The following ELOVL5 variants were observed in gnomAD, a reference collection of about 807,000 sequenced individuals.
ELOVL5 encodes the protein ELOVL fatty acid elongase 5.
ELOVL5 carries 8 observed loss-of-function variants against 38.6 expected under a neutral mutation model. The ratio of observed to expected loss-of-function variants is 0.21; its 90% confidence interval spans 0.12 to 0.37. The LOEUF is 0.37. ELOVL5 is among the 10% of genes least tolerant of loss of function. ELOVL5 has a pLI of 1.00. For missense variants in ELOVL5, 280 were observed against 367.8 expected, an observed-to-expected ratio of 0.76 and a Z score of 1.95; for synonymous variants, 127 against 133.7, an observed-to-expected ratio of 0.95 and a Z score of 0.34.
At chr6:53,325,343 A>C (rs1768495558) in intron 1 of ELOVL5, among the ~76,000 whole-genome samples, 1 of 150,810 alleles carries the variant, frequency 6.6e-6, no homozygotes, top group South Asian at 2.1e-4. Context: ...GTCATAAGCC[A>C]AATATCTGAT....
intron 6 of ELOVL5, among the ~76,000 whole-genome samples, chr6:53,271,104 C>A (rs1765901973): frequency 6.6e-6 from 1 of 152,202 alleles, no homozygotes; most frequent in African/African-American, 2.4e-5. Flanking sequence ...CCTTCCAACT[C>A]CTTATCCATG....
At chr6:53,321,484 C>T (rs958396172) in intron 1 of ELOVL5, among the ~76,000 whole-genome samples, 3 of 152,206 alleles carry the variant, frequency 2.0e-5, no homozygotes, top group African/African-American at 7.2e-5. Flanking sequence ...CATCTTTACA[C>T]ATAAAACTTT....
intron 1 of ELOVL5, among the ~76,000 whole-genome samples, chr6:53,303,142 T>G (rs1428125634): frequency 1.3e-5 from 2 of 152,322 alleles, no homozygotes. Flanking sequence ...TTCTAGAATT[T>G]AAAAAGATTT....
chr6:53,317,072 C>T (rs1768074768), intron 1 of ELOVL5, among the ~76,000 whole-genome samples: 2 of 152,080 alleles, frequency 1.3e-5, no homozygotes, highest in Admixed American at 1.3e-4. Context: ...ACGACCTAAC[C>T]CACACATTTG....
At chr6:53,304,025 C>A (rs1251307704) in intron 1 of ELOVL5, among the ~76,000 whole-genome samples, 1 of 152,184 alleles carries the variant, frequency 6.6e-6, no homozygotes. Context: ...GCAACTTCAA[C>A]TTTTACATGA....
chr6:53,339,092 G>T lies in ELOVL5; in HGVS notation c.-9+9725C>A, dbSNP rs538897463. On this transcript the variant is annotated intron_variant, in intron 1 of 7. Coordinates refer to ENST00000304434, the MANE Select transcript of ELOVL5 (RefSeq NM_021814.5). Reference sequence around the variant, plus strand: ...CTGTTGTTTGGGTGTGAGGGTGAGTGAGGAGAGGGAGAAGCAAAGTTAAAT... The same window carrying T: ...CTGTTGTTTGGGTGTGAGGGTGAGTTAGGAGAGGGAGAAGCAAAGTTAAAT... Among the ~76,000 whole-genome samples the T allele has an allele frequency of 7.9e-5, 12 of 152,330 alleles. No homozygotes were observed. In the South Asian group the frequency reaches 2.5e-3, roughly 32 times the overall value.
chr6:53,317,683 T>C (rs2127585499), intron 1 of ELOVL5, among the ~76,000 whole-genome samples: 1 of 152,062 alleles, frequency 6.6e-6, no homozygotes, highest in East Asian at 1.9e-4. Context: ...TTAGGAGATA[T>C]GCCTGATGCT....
chr6:53,308,045 T>C (rs527991266), intron 1 of ELOVL5, among the ~76,000 whole-genome samples: 1 of 152,304 alleles, frequency 6.6e-6, no homozygotes, highest in African/African-American at 2.4e-5. Flanking sequence ...TGTGTTAGTA[T>C]TGCCTGAATT....
intron 4 of ELOVL5, among the ~76,000 whole-genome samples, chr6:53,275,818 A>C (rs1451230783): frequency 6.6e-6 from 1 of 152,214 alleles, no homozygotes; most frequent in Non-Finnish European, 1.5e-5. Flanking sequence ...CATGAGTGGA[A>C]GTCAGATTTT....
chr6:53,288,467 C>T (rs2294865), intron 3 of ELOVL5, among the ~76,000 whole-genome samples: 55,247 of 152,018 alleles, frequency 0.36, 11,153 homozygotes, highest in African/African-American at 0.55. Flanking sequence ...AAAAGGATTG[C>T]TATAAAGTCC....
At chr6:53,320,501 A>T (rs965863931) in intron 1 of ELOVL5, among the ~76,000 whole-genome samples, 4 of 151,874 alleles carry the variant, frequency 2.6e-5, no homozygotes, top group African/African-American at 9.6e-5. Context: ...GCGCCTGGCT[A>T]ATTTTTTGTA....
intron 1 of ELOVL5, among the ~76,000 whole-genome samples, chr6:53,338,825 A>G (rs573190115): frequency 2.6e-5 from 4 of 152,340 alleles, no homozygotes; most frequent in African/African-American, 9.6e-5. Context: ...AAAATAAATT[A>G]TCATTTGAGG....
At chr6:53,320,338 CT>C in intron 1 of ELOVL5, among the ~76,000 whole-genome samples, 1 of 151,250 alleles carries the variant, frequency 6.6e-6, no homozygotes, top group East Asian at 2.0e-4. Context: ...CCCCACATTT[CT>C]TTTTTTTCTT....
At chr6:53,286,541 G>A (rs747904348) in intron 3 of ELOVL5, among the ~76,000 whole-genome samples, 2 of 152,102 alleles carry the variant, frequency 1.3e-5, no homozygotes, top group South Asian at 4.2e-4. Context: ...AACTCCAGCC[G>A]GGGTAACAGA....
At chr6:53,298,602 A>G (rs1457979500) in intron 1 of ELOVL5, among the ~76,000 whole-genome samples, 1 of 152,150 alleles carries the variant, frequency 6.6e-6, no homozygotes, top group Non-Finnish European at 1.5e-5. Flanking sequence ...AGGCCCTTAG[A>G]GCAGTGTCTG....
chr6:53,328,661 A>G (rs1768653713), intron 1 of ELOVL5, among the ~76,000 whole-genome samples: 1 of 152,394 alleles, frequency 6.6e-6, no homozygotes, highest in Non-Finnish European at 1.5e-5. Context: ...TCCAAGAGAC[A>G]GGAACAAAAA....
chr6:53,341,746 C>T (rs920807898), intron 1 of ELOVL5, among the ~76,000 whole-genome samples: 32 of 152,308 alleles, frequency 2.1e-4, no homozygotes, highest in African/African-American at 6.0e-4. Context: ...ACTAACTCTT[C>T]CAATCTTTTG....
At chr6:53,342,770 A>G (rs1040217219) in intron 1 of ELOVL5, among the ~76,000 whole-genome samples, 6 of 152,222 alleles carry the variant, frequency 3.9e-5, no homozygotes, top group African/African-American at 1.4e-4. Flanking sequence ...AAAAGGTAAA[A>G]AAGTCCAATC....
intron 1 of ELOVL5, among the ~76,000 whole-genome samples, chr6:53,329,035 A>G (rs1378238103): frequency 1.3e-5 from 2 of 152,256 alleles, no homozygotes; most frequent in Non-Finnish European, 2.9e-5. Context: ...TGAAGGTGAC[A>G]CACATAGAGC....
Sources: gnomAD v4.1 joint callset for allele counts (sites outside exome capture counted in the v4.1 genomes callset) on GRCh38, gnomAD v4.1.1 for gene constraint, MANE v1.5 for transcripts, NCBI Gene and HGNC (gene_info 2026-07-23, HGNC 2026-07-21) for gene names.